The following DCC variants were observed in gnomAD, a reference collection of about 807,000 sequenced individuals.
DCC encodes the protein netrin receptor DCC.
A neutral mutation model predicts 172.5 loss-of-function variants in DCC; 58 were observed. The ratio of observed to expected loss-of-function variants is 0.34; its 90% CI spans 0.27 to 0.42. The LOEUF is 0.42. DCC is among the 10% of genes least tolerant of loss of function. The pLI is 1.00. For synonymous variants in DCC, 709 were observed against 644.5 expected, an observed-to-expected ratio of 1.10 and a Z score of -1.52; for missense variants, 1,740 against 1,791.0, an observed-to-expected ratio of 0.97 and a Z score of 0.51.
At chr18:53,508,781 G>T (rs535557342) in intron 27 of DCC, among the ~76,000 whole-genome samples, 1 of 152,302 alleles carries the variant, frequency 6.6e-6, no homozygotes, top group Admixed American at 6.5e-5. Flanking sequence ...CAGAGCAACT[G>T]CTCAGAGCTG....
At chr18:53,522,420 T>C (rs976289145) in intron 27 of DCC, among the ~76,000 whole-genome samples, 1 of 152,068 alleles carries the variant, frequency 6.6e-6, no homozygotes, top group Admixed American at 6.6e-5. Context: ...AAAAACTACT[T>C]TGAATTTCAT....
chr18:52,847,187 G>C (rs576448335), intron 2 of DCC, among the ~76,000 whole-genome samples: 5 of 152,228 alleles, frequency 3.3e-5, no homozygotes, highest in Admixed American at 3.3e-4. Flanking sequence ...TGAAAGTTTT[G>C]CTACTTAGCC....
At position 53,512,546 on chromosome 18, in the gene DCC, G is replaced by A. The variant is rs1197009046; in HGVS notation, c.4111+13036G>A. 3.9e-3 allele frequency among the ~76,000 whole-genome samples: 567 copies of A among 146,724 alleles called. 2 individuals carry two copies. Among genetic ancestry groups the A allele is most frequent in the African/African-American group, 0.014 (535 of 39,464 alleles). On this transcript the variant is annotated intron_variant, in intron 27 of 28. Coordinates refer to ENST00000442544, the MANE Select transcript of DCC (RefSeq NM_005215.4). Reference sequence around the variant, plus strand: ...GGAGGACATTCAAACCAAAGGCAAAGAAGTTGAAAACTTTGAAAAAAATTT... The same window carrying A: ...GGAGGACATTCAAACCAAAGGCAAAAAAGTTGAAAACTTTGAAAAAAATTT...
At chr18:52,459,419 T>C (rs1450578330) in intron 1 of DCC, among the ~76,000 whole-genome samples, 1 of 152,018 alleles carries the variant, frequency 6.6e-6, no homozygotes, top group Non-Finnish European at 1.5e-5. Flanking sequence ...TCTCATCATT[T>C]AGCTCCCATT....
chr18:53,274,817 G>A (rs558362578), intron 12 of DCC, among the ~76,000 whole-genome samples: 5 of 152,026 alleles, frequency 3.3e-5, no homozygotes, highest in Non-Finnish European at 7.4e-5. Flanking sequence ...GATCACCTAG[G>A]ATCCTTTAGA....
rs1244199271 is a variant in DCC at position 53,014,892 on chromosome 18, G to T, written c.986-48413G>T. On this transcript the variant is annotated intron_variant, in intron 5 of 28. Transcript: ENST00000442544. ...ATCTGTGTGATGGAGTAATGTAGAG[G>T]AATTGACATCTCCATTTAATTTAAT... Among the ~76,000 whole-genome samples, 3 of 152,104 alleles carry T rather than the reference G, an allele frequency of 2.0e-5. No homozygotes were observed. In the East Asian group the frequency reaches 5.8e-4, roughly 29 times the overall value.
chr18:52,562,066 CATCTAGTTAGGGAAATAAAAACA>C (rs1481234283), intron 1 of DCC, among the ~76,000 whole-genome samples: 2 of 152,114 alleles, frequency 1.3e-5, no homozygotes, highest in Non-Finnish European at 2.9e-5. Flanking sequence ...AGGAGACTGA[CATCTAGTTAGGGAAATAAAAACA>C]ATCTAGTTAG....
chr18:53,358,377 T>A (rs2057902405), intron 15 of DCC, among the ~76,000 whole-genome samples: 1 of 152,022 alleles, frequency 6.6e-6, no homozygotes, highest in African/African-American at 2.4e-5. Context: ...CAAAAAAAAT[T>A]TCTTGTAATA....
intron 1 of DCC, among the ~76,000 whole-genome samples, chr18:52,363,880 T>C (rs1202615339): frequency 1.3e-5 from 2 of 152,170 alleles, no homozygotes; most frequent in African/African-American, 2.4e-5. Context: ...TTTTTCTTAG[T>C]GACTTTGGAG....
chr18:53,397,728 T>C (rs1230432419), intron 18 of DCC, among the ~76,000 whole-genome samples: 1 of 152,170 alleles, frequency 6.6e-6, no homozygotes, highest in Non-Finnish European at 1.5e-5. Context: ...TTTCACTACA[T>C]TTAAGTAAAG....
At chr18:53,090,069 C>T (rs2042980240) in intron 7 of DCC, among the ~76,000 whole-genome samples, 1 of 152,152 alleles carries the variant, frequency 6.6e-6, no homozygotes, top group Admixed American at 6.5e-5. Context: ...CATGTTCTGA[C>T]ACATACATGT....
chr18:53,261,712 C>A (rs996466184), intron 12 of DCC, among the ~76,000 whole-genome samples: 1 of 152,068 alleles, frequency 6.6e-6, no homozygotes, highest in Non-Finnish European at 1.5e-5. Context: ...GGGGTTTCAC[C>A]ATGGTCTTGA....
chr18:52,964,167 G>C (rs1216117464), intron 5 of DCC, among the ~76,000 whole-genome samples: 2 of 152,100 alleles, frequency 1.3e-5, no homozygotes, highest in Non-Finnish European at 2.9e-5. Context: ...TCTTTTTAAG[G>C]AACTTACCTA....
intron 15 of DCC, among the ~76,000 whole-genome samples, chr18:53,350,671 A>T (rs974240744): frequency 2.0e-5 from 3 of 152,194 alleles, no homozygotes; most frequent in Admixed American, 1.3e-4. Context: ...TCCCTGTATC[A>T]TGGTATCAGA....
At chr18:53,426,892 A>G (rs1317152626) in intron 21 of DCC, among the ~76,000 whole-genome samples, 3 of 152,130 alleles carry the variant, frequency 2.0e-5, no homozygotes, top group African/African-American at 2.4e-5. Flanking sequence ...CAGGGTGCTC[A>G]TGTTCTAGTG....
At chr18:53,135,703 A>G (rs1360659574) in intron 7 of DCC, among the ~76,000 whole-genome samples, 2 of 152,154 alleles carry the variant, frequency 1.3e-5, no homozygotes, top group Non-Finnish European at 2.9e-5. Context: ...CTTTGCATGA[A>G]TGGGGGAAGA....
intron 7 of DCC, among the ~76,000 whole-genome samples, chr18:53,124,211 A>G (rs2043522542): frequency 6.6e-6 from 1 of 152,022 alleles, no homozygotes; most frequent in African/African-American, 2.4e-5. Flanking sequence ...TAACTTTATT[A>G]TTTAATACAT....
chr18:53,420,954 A>G (rs374252975), intron 21 of DCC, among the ~76,000 whole-genome samples: 7 of 152,274 alleles, frequency 4.6e-5, no homozygotes, highest in African/African-American at 1.7e-4. Flanking sequence ...TGGTTCCTAG[A>G]GTGTGCAGTC....
chr18:52,457,439 T>A (rs1171449483), intron 1 of DCC, among the ~76,000 whole-genome samples: 2 of 152,220 alleles, frequency 1.3e-5, no homozygotes, highest in Non-Finnish European at 2.9e-5. Flanking sequence ...GATTTAGAGA[T>A]GATGGGCACA....
Sources: gnomAD v4.1 joint callset for allele counts (sites outside exome capture counted in the v4.1 genomes callset) on GRCh38, gnomAD v4.1.1 for gene constraint, MANE v1.5 for transcripts, NCBI Gene and HGNC (gene_info 2026-07-23, HGNC 2026-07-21) for gene names.